PAH: variants seen among roughly 807,000 people sequenced by gnomAD.
PAH encodes the protein phenylalanine-4-hydroxylase.
In PAH, 64 loss-of-function variants were observed where a neutral mutation model predicts 62.0. The observed-to-expected ratio is 1.03, with a 90% CI of 0.84 to 1.27. The LOEUF (loss-of-function observed/expected upper bound fraction) is 1.27. Ranked by LOEUF, PAH falls within the 50% of genes most tolerant of loss-of-function variation. The pLI is 0.00. For synonymous variants in PAH, 195 were observed against 196.2 expected, an observed-to-expected ratio of 0.99 and a Z score of 0.05; for missense variants, 579 against 542.8, an observed-to-expected ratio of 1.07 and a Z score of -0.66.
intron 12 of PAH, 53 bp downstream of exon 12, chr12:102,840,347 C>T (rs776462426): frequency 3.8e-6 from 4 of 1,041,668 alleles, no homozygotes; most frequent in Admixed American, 1.7e-5. Context: ...TAGGGAAAGA[C>T]AGTCTTCGAT....
chr12:102,942,312 A>G (rs533269582), intron 1 of PAH, among the ~76,000 whole-genome samples: 1 of 152,274 alleles, frequency 6.6e-6, no homozygotes, highest in African/African-American at 2.4e-5. Flanking sequence ...ACACAATCAC[A>G]TTCACAATAG....
At chr12:102,841,879 C>G (rs1222580873) in intron 11 of PAH, among the ~76,000 whole-genome samples, 1 of 152,194 alleles carries the variant, frequency 6.6e-6, no homozygotes, top group African/African-American at 2.4e-5. Context: ...GAACCATGCT[C>G]AGCCAATCAC....
At chr12:102,863,556 T>A (rs1875824492) in intron 5 of PAH, among the ~76,000 whole-genome samples, 1 of 152,178 alleles carries the variant, frequency 6.6e-6, no homozygotes, top group Non-Finnish European at 1.5e-5. Flanking sequence ...TCAGAGTCAG[T>A]GGACTCAATG....
intron 1 of PAH, chr12:102,945,867 A>G (rs1449545203): frequency 6.6e-6 from 1 of 152,246 alleles, no homozygotes; most frequent in East Asian, 1.9e-4. Context: ...AAGCAGAAGG[A>G]GTCTCTCCTC....
intron 4 of PAH, among the ~76,000 whole-genome samples, chr12:102,873,579 C>T (rs73389587): frequency 0.018 from 2,703 of 152,282 alleles, 74 homozygotes; most frequent in African/African-American, 0.062. Context: ...TCTAGAAGTC[C>T]TCCCTAACCA....
At chr12:102,850,037 C>T (rs543133096) in intron 8 of PAH, among the ~76,000 whole-genome samples, 46 of 152,338 alleles carry the variant, frequency 3.0e-4, no homozygotes, top group Non-Finnish European at 8.8e-5. Flanking sequence ...GCCACTTAGC[C>T]TCTGACTTCG....
At chr12:102,842,883 A>AT (rs1289414355) in intron 11 of PAH, among the ~76,000 whole-genome samples, 2 of 152,122 alleles carry the variant, frequency 1.3e-5, no homozygotes, top group South Asian at 2.1e-4. Context: ...CACTGATAAG[A>AT]TTTTTTTAAG....
chr12:102,843,610 C>T (rs780020477), intron 11 of PAH, 36 bp downstream of exon 11: 2 of 1,612,878 alleles, frequency 1.2e-6, no homozygotes, highest in Non-Finnish European at 1.7e-6. Context: ...TCAGGAGGCC[C>T]CCAGAGCTAG....
intron 1 of PAH, among the ~76,000 whole-genome samples, chr12:102,944,266 G>A (rs1879405352): frequency 1.3e-5 from 2 of 152,110 alleles, no homozygotes; most frequent in African/African-American, 2.4e-5. Context: ...TCTGCTTAAT[G>A]TTCTATAATC....
At chr12:102,945,142 A>G (rs79353859) in intron 1 of PAH, 4,813 of 152,390 alleles carry the variant, frequency 0.032, 265 homozygotes, top group African/African-American at 0.11. Context: ...CTCTGTGCTG[A>G]GCTGTCTGGA....
intron 1 of PAH, among the ~76,000 whole-genome samples, chr12:102,945,330 A>G (rs1879454278): frequency 6.6e-6 from 1 of 152,204 alleles, no homozygotes; most frequent in Non-Finnish European, 1.5e-5. Flanking sequence ...TAGGTGGCAA[A>G]GCCAGCCAGG....
intron 3 of PAH, among the ~76,000 whole-genome samples, chr12:102,880,126 G>A (rs764054138): frequency 9.9e-5 from 15 of 152,158 alleles, no homozygotes; most frequent in Non-Finnish European, 2.2e-4. Context: ...TGAAACTTTG[G>A]AGTCTCGGAT....
upstream of PAH, among the ~76,000 whole-genome samples, chr12:102,920,786 A>G (rs1422163347): frequency 2.0e-5 from 3 of 152,110 alleles, no homozygotes; most frequent in Non-Finnish European, 4.4e-5. Context: ...TGTACTATAG[A>G]TTTCATAGTT....
chr12:102,892,328 T>G (rs954188951), intron 3 of PAH, among the ~76,000 whole-genome samples: 2 of 152,170 alleles, frequency 1.3e-5, no homozygotes, highest in Non-Finnish European at 2.9e-5. Flanking sequence ...GTGCCTGAAC[T>G]CCTCTTGACC....
intron 1 of PAH, among the ~76,000 whole-genome samples, chr12:102,947,936 G>T (rs1498698): frequency 2.0e-5 from 3 of 152,110 alleles, no homozygotes; most frequent in Non-Finnish European, 4.4e-5. Context: ...TCCAAGACAG[G>T]TAGAGAGAGT....
chr12:102,943,349 C>A (rs955343308), intron 1 of PAH, among the ~76,000 whole-genome samples: 1 of 152,042 alleles, frequency 6.6e-6, no homozygotes, highest in African/African-American at 2.4e-5. Context: ...TAGAGAAATG[C>A]AAATCAAAAC....
chr12:102,931,080 A>T (rs1351698097), intron 1 of PAH, among the ~76,000 whole-genome samples: 1 of 152,214 alleles, frequency 6.6e-6, no homozygotes, highest in East Asian at 1.9e-4. Flanking sequence ...TAGATAATTT[A>T]TTAATAAAAA....
chr12:102,949,416 T>C (rs111578535), intron 1 of PAH, among the ~76,000 whole-genome samples: 2,333 of 152,298 alleles, frequency 0.015, 75 homozygotes, highest in African/African-American at 0.052. Flanking sequence ...TAGAGGATCA[T>C]GTGGTCCACG....
intron 9 of PAH, among the ~76,000 whole-genome samples, chr12:102,846,278 T>C (rs1874838992): frequency 6.6e-6 from 1 of 152,210 alleles, no homozygotes; most frequent in Non-Finnish European, 1.5e-5. Context: ...TTTGCACTCA[T>C]TGGCAGTCCA....
Sources: gnomAD v4.1 joint callset for allele counts (sites outside exome capture counted in the v4.1 genomes callset) on GRCh38, gnomAD v4.1.1 for gene constraint, MANE v1.5 for transcripts, NCBI Gene and HGNC (gene_info 2026-07-23, HGNC 2026-07-21) for gene names.